Variants in DPH5 observed in about 807,000 individuals in gnomAD.
DPH5 encodes the protein diphthine methyl ester synthase.
DPH5 carries 31 observed loss-of-function variants against 31.6 expected under a neutral mutation model. That is an observed-to-expected ratio of 0.98 (90% CI 0.74 to 1.32). The LOEUF is 1.32. DPH5 is among the 40% of genes most tolerant of loss of function. The pLI, the probability that DPH5 is intolerant of heterozygous loss-of-function variation, is 0.00. For missense variants in DPH5, 309 were observed against 335.7 expected, an observed-to-expected ratio of 0.92 and a Z score of 0.62; for synonymous variants, 120 against 115.0, an observed-to-expected ratio of 1.04 and a Z score of -0.28.
Position 101,025,463 on chromosome 1 carries a change from G to T in DPH5, c.-20C>A. 6.2e-7 allele frequency: 1 copy of T among 1,613,444 alleles called. No individual in the cohort carries two copies. The highest frequency in any genetic ancestry group is 8.5e-7 in the Non-Finnish European group (1 of 1,179,940). On this transcript the variant is annotated 5_prime_UTR_variant, in exon 2 of 8. Coordinates refer to ENST00000370109, the MANE Select transcript of DPH5 (RefSeq NM_015958.3). ...AAGCATTTCAAACTTGAGGAGAAGA[G>T]AGACTGCAAGACGAAGTGGACAGAA... is the stretch of plus-strand genomic sequence containing the variant.
chr1:101,015,700 T>C (rs150104723), intron 3 of DPH5, among the ~76,000 whole-genome samples: 1 of 152,358 alleles, frequency 6.6e-6, no homozygotes, highest in Non-Finnish European at 1.5e-5. Context: ...TAGAAGGCTG[T>C]TTCATCCACA....
chr1:101,004,437 G>A (rs1659080797), intron 4 of DPH5, among the ~76,000 whole-genome samples: 1 of 152,090 alleles, frequency 6.6e-6, no homozygotes, highest in Admixed American at 6.6e-5. Flanking sequence ...CATTATTGCT[G>A]CAAATCTAAA....
intron 6 of DPH5, among the ~76,000 whole-genome samples, chr1:100,993,885 T>C (rs895192702): frequency 3.3e-5 from 5 of 151,386 alleles, no homozygotes; most frequent in Admixed American, 1.3e-4. Context: ...GGATTACAGG[T>C]GCCTGCCACC....
chr1:101,017,374 G>A (rs1211539329), intron 3 of DPH5, among the ~76,000 whole-genome samples: 1 of 150,678 alleles, frequency 6.6e-6, no homozygotes, highest in South Asian at 2.1e-4. Context: ...GTTACTGTGT[G>A]TAATTAGGAT....
At chr1:101,003,882 A>T (rs1488766908) in intron 4 of DPH5, among the ~76,000 whole-genome samples, 2 of 152,206 alleles carry the variant, frequency 1.3e-5, no homozygotes, top group Admixed American at 1.3e-4. Flanking sequence ...AAATATTAGT[A>T]TTATTCCATA....
At chr1:101,006,017 C>T (rs773604416) in intron 4 of DPH5, among the ~76,000 whole-genome samples, 2 of 152,130 alleles carry the variant, frequency 1.3e-5, no homozygotes, top group Non-Finnish European at 2.9e-5. Context: ...GTTTACTCTG[C>T]GCATCTCTTT....
Position 101,025,184 on chromosome 1 carries a change from T to C in DPH5, c.135+125A>G, listed in dbSNP as rs1660735542. Reference sequence around the variant, plus strand: ...ATTCTTCTGCTCCTCAGATCATTAATGAACAAGGGATGCGTTTCAAAGGGT... The same window carrying C: ...ATTCTTCTGCTCCTCAGATCATTAACGAACAAGGGATGCGTTTCAAAGGGT... On this transcript the variant is annotated intron_variant, in intron 2 of 7. Transcript: ENST00000370109. 23 of 1,198,476 alleles carry C rather than the reference T, an allele frequency of 1.9e-5. No homozygotes were observed. The South Asian group carries it at 3.4e-4, about 18-fold the overall frequency. The allele number at this position is 1,198,476 out of a possible 1,614,324, so 74.2% of individuals were successfully genotyped here. A position where few individuals can be genotyped will look rare whatever the true frequency, so the allele number is the denominator to read the frequency against.
Position 101,013,579 on chromosome 1 carries a change from T to C in DPH5, c.369+131A>G, listed in dbSNP as rs2101250069. The C allele has an allele frequency of 8.2e-6, 5 of 606,680 alleles. No homozygotes were observed. The Middle Eastern group carries it at 1.3e-3, about 161-fold the overall frequency. The allele number at this position is 606,680 out of a possible 1,614,324, so 37.6% of individuals were successfully genotyped here. A position where few individuals can be genotyped will look rare whatever the true frequency, so the allele number is the denominator to read the frequency against. On this transcript the variant is annotated intron_variant, in intron 4 of 7. Transcript: ENST00000370109. Reference sequence around the variant, plus strand: ...TGTTAAAAAATTCAGTCTATGTATATACTAAGCAGCCTAGTATCAAATAGT... The same window carrying C: ...TGTTAAAAAATTCAGTCTATGTATACACTAAGCAGCCTAGTATCAAATAGT...
intron 4 of DPH5, among the ~76,000 whole-genome samples, chr1:101,009,539 T>C (rs1386749331): frequency 6.6e-6 from 1 of 152,144 alleles, no homozygotes; most frequent in African/African-American, 2.4e-5. Flanking sequence ...TCTTACAAGT[T>C]CACTTTCTAA....
At chr1:101,002,142 A>T (rs1658916849) in intron 4 of DPH5, among the ~76,000 whole-genome samples, 1 of 152,164 alleles carries the variant, frequency 6.6e-6, no homozygotes, top group African/African-American at 2.4e-5. Flanking sequence ...ATAGTCCCTT[A>T]ATTTGGCAAG....
intron 4 of DPH5, among the ~76,000 whole-genome samples, chr1:101,011,964 G>C (rs370462985): frequency 2.1e-5 from 3 of 144,872 alleles, no homozygotes; most frequent in South Asian, 2.2e-4. Context: ...GCAATGGCGC[G>C]ATCTCAGCTC....
intron 7 of DPH5, 43 bp from the exon 8 acceptor site, chr1:100,990,674 A>G (rs779735169): frequency 6.4e-6 from 10 of 1,573,606 alleles, no homozygotes; most frequent in Non-Finnish European, 8.7e-6. Flanking sequence ...CAGCAAATGC[A>G]TCATCCATCC....
intron 2 of DPH5, 37 bp downstream of exon 2, chr1:101,025,270 GCT>G (rs944993107): frequency 1.2e-6 from 2 of 1,609,178 alleles, no homozygotes; most frequent in African/African-American, 2.7e-5. Context: ...ATGTTAGATA[GCT>G]TTCTTCCCAG....
At chr1:101,015,413 A>G (rs922182242) in intron 3 of DPH5, among the ~76,000 whole-genome samples, 1 of 152,228 alleles carries the variant, frequency 6.6e-6, no homozygotes, top group Non-Finnish European at 1.5e-5. Flanking sequence ...TTTGAGCAGC[A>G]GGTCTCAAGG....
In DPH5 at chr1:101,014,262, G is replaced by A. The variant is rs191689269; in HGVS notation, c.261-444C>T. 1.1e-3 allele frequency among the ~76,000 whole-genome samples: 164 copies of A among 152,300 alleles called. 2 individuals carry two copies. The highest frequency in any genetic ancestry group is 3.8e-3 in the African/African-American group (159 of 41,558). ...GCTCTATTTTGAAGACTTTGTCTTT[G>A]TATTTAAAATATAAGGCAGAATATA... On this transcript the variant is annotated intron_variant, in intron 3 of 7. Coordinates refer to ENST00000370109, the MANE Select transcript of DPH5 (RefSeq NM_015958.3).
At chr1:100,990,816 A>G (rs1224096240) in intron 7 of DPH5, among the ~76,000 whole-genome samples, 185 bp from the exon 8 acceptor site, 1 of 152,212 alleles carries the variant, frequency 6.6e-6, no homozygotes, top group Non-Finnish European at 1.5e-5. Flanking sequence ...TGTATTACCT[A>G]ATATAAAAGA....
intron 3 of DPH5, among the ~76,000 whole-genome samples, chr1:101,016,171 G>A (rs1390468674): frequency 6.6e-6 from 1 of 151,900 alleles, no homozygotes; most frequent in Non-Finnish European, 1.5e-5. Flanking sequence ...TGACCAACAC[G>A]GTGAAACCCC....
chr1:101,023,304 A>G (rs533128928), intron 2 of DPH5: 1 of 152,334 alleles, frequency 6.6e-6, no homozygotes, highest in South Asian at 2.1e-4. Context: ...GCATGAACTT[A>G]GGCAAGTTTG....
At position 101,009,537 on chromosome 1, in the gene DPH5, G is replaced by T. The variant is rs78351277; in HGVS notation, c.369+4173C>A. 5.3e-3 allele frequency among the ~76,000 whole-genome samples: 805 copies of T among 152,162 alleles called. 6 individuals are homozygous for T. The highest frequency in any genetic ancestry group is 0.018 in the African/African-American group (760 of 41,490). On this transcript the variant is annotated intron_variant, in intron 4 of 7. Coordinates refer to ENST00000370109, the MANE Select transcript of DPH5 (RefSeq NM_015958.3). The stretch of plus-strand genomic sequence containing the variant: ...CTCTTAATAGAAAATGCTCTTACAA[G>T]TTCACTTTCTAAATCTTCTCTTATG...
Sources: allele counts gnomAD v4.1 joint callset (sites outside exome capture counted in the v4.1 genomes callset), GRCh38; gene constraint gnomAD v4.1.1; transcripts MANE v1.5; gene names NCBI Gene and HGNC (gene_info 2026-07-23, HGNC 2026-07-21).